The following KCND2 variants were observed in gnomAD, a reference collection of about 807,000 sequenced individuals.
The protein encoded by KCND2 is A-type voltage-gated potassium channel KCND2.
KCND2 carries 16 observed loss-of-function variants against 54.4 expected under a neutral mutation model. The ratio of observed to expected loss-of-function variants is 0.29; its 90% CI spans 0.20 to 0.45. The LOEUF is 0.45. KCND2 is among the 20% of genes least tolerant of loss of function. KCND2 has a pLI of 1.00. For missense variants in KCND2, 486 were observed against 824.2 expected, an observed-to-expected ratio of 0.59 and a Z score of 5.02; for synonymous variants, 317 against 310.7, an observed-to-expected ratio of 1.02 and a Z score of -0.21.
At chr7:120,526,011 A>C (rs1329713429) in intron 1 of KCND2, among the ~76,000 whole-genome samples, 1 of 151,982 alleles carries the variant, frequency 6.6e-6, no homozygotes, top group Non-Finnish European at 1.5e-5. Flanking sequence ...AGTGATAATC[A>C]CCACCTACAA....
chr7:120,720,294 T>C (rs1442255392), intron 1 of KCND2, among the ~76,000 whole-genome samples: 1 of 152,098 alleles, frequency 6.6e-6, no homozygotes, highest in East Asian at 1.9e-4. Flanking sequence ...CTGGATAAAA[T>C]GCAATTTTCT....
At chr7:120,311,960 A>C (rs1799741546) in intron 1 of KCND2, among the ~76,000 whole-genome samples, 1 of 152,168 alleles carries the variant, frequency 6.6e-6, no homozygotes. Context: ...ACTGGAGTGC[A>C]ATGGCACAAT....
intron 1 of KCND2, among the ~76,000 whole-genome samples, chr7:120,316,940 A>C (rs1198952084): frequency 6.6e-6 from 1 of 151,400 alleles, no homozygotes; most frequent in Non-Finnish European, 1.5e-5. Context: ...GGTTCAAGCG[A>C]TTTTCCTGCC....
At chr7:120,460,818 T>C (rs1802273849) in intron 1 of KCND2, among the ~76,000 whole-genome samples, 1 of 152,114 alleles carries the variant, frequency 6.6e-6, no homozygotes, top group Non-Finnish European at 1.5e-5. Context: ...AAGAAACGCG[T>C]GGAAGACAAA....
intron 1 of KCND2, among the ~76,000 whole-genome samples, chr7:120,718,260 C>A (rs146665349): frequency 6.6e-6 from 1 of 152,140 alleles, no homozygotes; most frequent in Non-Finnish European, 1.5e-5. Flanking sequence ...AACAGCACAA[C>A]GCTTAACCTT....
intron 1 of KCND2, among the ~76,000 whole-genome samples, chr7:120,309,474 TACACACACACAC>T (rs1209573900): frequency 5.0e-4 from 57 of 113,244 alleles, no homozygotes; most frequent in African/African-American, 1.7e-3. Context: ...TATATATATA[TACACACACACAC>T]ACACACACAC....
chr7:120,429,317 CAATA>C (rs1445803257), intron 1 of KCND2, among the ~76,000 whole-genome samples: 1 of 152,146 alleles, frequency 6.6e-6, no homozygotes, highest in African/African-American at 2.4e-5. Flanking sequence ...TCATCACTTA[CAATA>C]AATAAATAAA....
At chr7:120,613,924 G>A (rs1001538909) in intron 1 of KCND2, among the ~76,000 whole-genome samples, 7 of 152,088 alleles carry the variant, frequency 4.6e-5, no homozygotes, top group African/African-American at 1.2e-4. Flanking sequence ...TGCAATTTTC[G>A]CTATTATTGT....
At chr7:120,474,885 A>AT (rs564510122) in intron 1 of KCND2, among the ~76,000 whole-genome samples, 11 of 150,060 alleles carry the variant, frequency 7.3e-5, no homozygotes, top group East Asian at 1.9e-4. Flanking sequence ...AAAGTTTTCA[A>AT]TTTTTTTTTT....
At chr7:120,593,540 A>T (rs1367811733) in intron 1 of KCND2, among the ~76,000 whole-genome samples, 1 of 152,142 alleles carries the variant, frequency 6.6e-6, no homozygotes, top group East Asian at 1.9e-4. Context: ...CTAGCTACAA[A>T]CCGAGCTAAT....
At chr7:120,705,263 TG>T (rs1792453242) in intron 1 of KCND2, among the ~76,000 whole-genome samples, 1 of 152,174 alleles carries the variant, frequency 6.6e-6, no homozygotes. Context: ...TAAACACGAG[TG>T]GTTGAATTAG....
chr7:120,475,421 G>A lies in KCND2; in HGVS notation c.1115+199674G>A, dbSNP rs559394489. On this transcript the variant is annotated intron_variant, in intron 1 of 5. Transcript: ENST00000331113. ...CTTGCAAAATGCTTACCTTGTAGTA[G>A]GCTAAATGCCCTATCCCTTTCTTTA... Among the ~76,000 whole-genome samples the A allele has an allele frequency of 1.9e-4, 29 of 152,188 alleles. No individual in the cohort carries two copies. The East Asian group carries it at 5.4e-3, about 28-fold the overall frequency.
chr7:120,498,566 G>T (rs1802885749), intron 1 of KCND2, among the ~76,000 whole-genome samples: 2 of 151,820 alleles, frequency 1.3e-5, no homozygotes, highest in Non-Finnish European at 2.9e-5. Context: ...CCTGAGTTCA[G>T]GAGCTTGATA....
At chr7:120,477,653 G>A (rs1486979544) in intron 1 of KCND2, among the ~76,000 whole-genome samples, 2 of 152,058 alleles carry the variant, frequency 1.3e-5, no homozygotes, top group East Asian at 3.9e-4. Flanking sequence ...AAAAAAAGAA[G>A]AGGGGGAAAG....
At chr7:120,309,474 T>TATATATATATATATACAC (rs1257702636) in intron 1 of KCND2, among the ~76,000 whole-genome samples, 2 of 113,278 alleles carry the variant, frequency 1.8e-5, no homozygotes, top group African/African-American at 6.7e-5. Flanking sequence ...TATATATATA[T>TATATATATATATATACAC]ACACACACAC....
intron 1 of KCND2, among the ~76,000 whole-genome samples, chr7:120,635,744 T>G (rs868477509): frequency 6.6e-6 from 1 of 152,208 alleles, no homozygotes; most frequent in African/African-American, 2.4e-5. Context: ...TTTGAATTTT[T>G]AAACCATCCA....
At chr7:120,619,491 A>T (rs1048091017) in intron 1 of KCND2, among the ~76,000 whole-genome samples, 1 of 152,264 alleles carries the variant, frequency 6.6e-6, no homozygotes, top group African/African-American at 2.4e-5. Flanking sequence ...TAACTGGCCT[A>T]TCAACTAAGA....
intron 1 of KCND2, among the ~76,000 whole-genome samples, chr7:120,392,173 T>C (rs1801089382): frequency 6.6e-6 from 1 of 152,042 alleles, no homozygotes; most frequent in Non-Finnish European, 1.5e-5. Context: ...GAATAGGAGA[T>C]CTTTTCCACA....
At chr7:120,496,405 A>T (rs1485847467) in intron 1 of KCND2, among the ~76,000 whole-genome samples, 1 of 151,262 alleles carries the variant, frequency 6.6e-6, no homozygotes, top group African/African-American at 2.4e-5. Flanking sequence ...CTTTTCTTTT[A>T]TATATATATA....
Sources: allele counts gnomAD v4.1 joint callset (sites outside exome capture counted in the v4.1 genomes callset), GRCh38; gene constraint gnomAD v4.1.1; transcripts MANE v1.5; gene names NCBI Gene and HGNC (gene_info 2026-07-23, HGNC 2026-07-21).